DHX35: variants seen among roughly 807,000 people sequenced by gnomAD.
DHX35 encodes DEAH-box helicase 35, also known as probable ATP-dependent RNA helicase DHX35.
DHX35 carries 84 observed loss-of-function variants against 99.6 expected under a neutral mutation model. The ratio of observed to expected loss-of-function variants is 0.84; its 90% CI spans 0.71 to 1.01. The LOEUF (loss-of-function observed/expected upper bound fraction) is 1.01. DHX35 is among the 50% of genes least tolerant of loss of function. The pLI is 0.00. For missense variants in DHX35, 852 were observed against 888.5 expected, an observed-to-expected ratio of 0.96 and a Z score of 0.52; for synonymous variants, 331 against 316.2, an observed-to-expected ratio of 1.05 and a Z score of -0.50.
At chr20:39,037,102 T>A (rs535628926) in intron 21 of DHX35, among the ~76,000 whole-genome samples, 1 of 150,306 alleles carries the variant, frequency 6.7e-6, no homozygotes, top group African/African-American at 2.4e-5. Flanking sequence ...ATATTCAACA[T>A]TCTTCCCAGA....
chr20:39,023,612 C>A, intron 16 of DHX35, 78 bp from the exon 17 acceptor site: 1 of 1,411,380 alleles, frequency 7.1e-7, no homozygotes, highest in Non-Finnish European at 1.0e-6. Flanking sequence ...CTTAGCCTCA[C>A]CAAATGCTGG....
chr20:39,006,107 A>G (rs1270977740), intron 11 of DHX35, 39 bp from the exon 12 acceptor site: 1 of 1,594,334 alleles, frequency 6.3e-7, no homozygotes, highest in African/African-American at 1.3e-5. Flanking sequence ...AGCAAAAAGA[A>G]TAAAATGAGT....
intron 1 of DHX35, 155 bp downstream of exon 1, chr20:38,962,562 TC>T (rs2085848842): frequency 2.4e-6 from 2 of 850,570 alleles, no homozygotes; most frequent in East Asian, 2.7e-5. Context: ...TGGCTCAGGC[TC>T]CCCAGTGGTC....
intron 20 of DHX35, among the ~76,000 whole-genome samples, chr20:39,033,454 C>A (rs1184219859): frequency 6.6e-6 from 1 of 152,100 alleles, no homozygotes; most frequent in Non-Finnish European, 1.5e-5. Context: ...AAGAAAGTGC[C>A]CCCCAGTCAC....
At chr20:38,964,491 C>T (rs929190832) in intron 1 of DHX35, among the ~76,000 whole-genome samples, 2 of 151,532 alleles carry the variant, frequency 1.3e-5, no homozygotes, top group East Asian at 1.9e-4. Context: ...AGTGCAGTGG[C>T]GCAATCTCGG....
rs558177462 is a variant in DHX35 at position 38,995,157 on chromosome 20, A to C, written c.642+277A>C. Among the ~76,000 whole-genome samples, 8 of 152,248 alleles carry C rather than the reference A, an allele frequency of 5.3e-5. No individual in the cohort carries two copies. The South Asian group carries it at 6.2e-4, about 12-fold the overall frequency. ...CACAGCTTCTTTTTGTTGTTTTTTC[A>C]GTATAAGCCTGTATTTCTTGAATTT... On this transcript the variant is annotated intron_variant, in intron 8 of 21. Coordinates refer to ENST00000252011, the MANE Select transcript of DHX35 (RefSeq NM_021931.4).
chr20:38,966,125 C>A (rs2085906814), intron 1 of DHX35, among the ~76,000 whole-genome samples: 2 of 152,102 alleles, frequency 1.3e-5, no homozygotes, highest in Non-Finnish European at 1.5e-5. Flanking sequence ...TTTTAAAAAC[C>A]AAGTTAAAGG....
At chr20:38,986,911 C>A (rs1169256722) in intron 4 of DHX35, among the ~76,000 whole-genome samples, 2 of 152,218 alleles carry the variant, frequency 1.3e-5, no homozygotes, top group Non-Finnish European at 2.9e-5. Flanking sequence ...GTGTCTTAAA[C>A]ACTGATGGGC....
intron 3 of DHX35, among the ~76,000 whole-genome samples, chr20:38,972,896 A>G (rs1034617384): frequency 1.3e-5 from 2 of 152,252 alleles, no homozygotes; most frequent in Admixed American, 6.5e-5. Flanking sequence ...TCTGAAAGTT[A>G]CAATGGAGAT....
intron 3 of DHX35, chr20:38,978,082 T>C: frequency 1.3e-6 from 1 of 760,418 alleles, no homozygotes; most frequent in Non-Finnish European, 2.4e-6. Context: ...TACTAAGTGC[T>C]GTCCACTAAT....
intron 3 of DHX35, among the ~76,000 whole-genome samples, chr20:38,982,894 G>A (rs549995060): frequency 1.3e-5 from 2 of 151,746 alleles, no homozygotes; most frequent in African/African-American, 4.8e-5. Flanking sequence ...TATTAAATAA[G>A]TAGGTAACTC....
chr20:39,036,726 C>CCAAAAAAAAAAAA (rs1568767834), intron 21 of DHX35, among the ~76,000 whole-genome samples: 94 of 51,688 alleles, frequency 1.8e-3, no homozygotes, highest in African/African-American at 7.2e-3. Flanking sequence ...ACTGTCCCCC[C>CCAAAAAAAAAAAA]AAAAAAAAAA....
At chr20:39,006,449 A>T (rs1355189073) in intron 12 of DHX35, 93 bp downstream of exon 12, 2 of 1,376,110 alleles carry the variant, frequency 1.5e-6, no homozygotes, top group African/African-American at 2.9e-5. Context: ...GGTAGAACTT[A>T]ACATAAAATA....
intron 1 of DHX35, among the ~76,000 whole-genome samples, chr20:38,964,118 A>T (rs2085875518): frequency 6.6e-6 from 1 of 152,210 alleles, no homozygotes; most frequent in Non-Finnish European, 1.5e-5. Context: ...AGAGGGAGGG[A>T]AAGTTGAATG....
intron 2 of DHX35, 57 bp downstream of exon 2, chr20:38,969,271 T>G (rs966711532): frequency 2.5e-5 from 39 of 1,554,614 alleles, no homozygotes; most frequent in Non-Finnish European, 2.6e-6. Flanking sequence ...TGCATTAGCT[T>G]TATGCTCAGC....
chr20:39,021,756 G>A (rs1352372646), intron 15 of DHX35, 85 bp from the exon 16 acceptor site: 1 of 1,287,394 alleles, frequency 7.8e-7, no homozygotes, highest in African/African-American at 1.5e-5. Context: ...TCTTCAGTGT[G>A]GTGCAAGGAA....
chr20:39,030,912 C>G lies in DHX35; in HGVS notation c.1955+137C>G. The G allele has an allele frequency of 9.7e-6, 9 of 931,224 alleles. No individual in the cohort carries two copies. The South Asian group carries it at 1.4e-4, about 15-fold the overall frequency. 57.7% of individuals were successfully genotyped at this position (931,224 alleles called of 1,614,324 possible). A position where few individuals can be genotyped will look rare whatever the true frequency, so the allele number is the denominator to read the frequency against. On this transcript the variant is annotated intron_variant, in intron 20 of 21. Coordinates refer to ENST00000252011, the MANE Select transcript of DHX35 (RefSeq NM_021931.4). ...GCGTGGTGGCTCACGCCTGTAATCC[C>G]AGCACTTTGGGAGGCCAATGTAGGC...
At chr20:38,979,448 CA>C (rs2086137484) in intron 3 of DHX35, among the ~76,000 whole-genome samples, 1 of 152,050 alleles carries the variant, frequency 6.6e-6, no homozygotes, top group South Asian at 2.1e-4. Context: ...GTACAAAATT[CA>C]AAAAGAACAA....
intron 18 of DHX35, among the ~76,000 whole-genome samples, chr20:39,027,623 A>G (rs2086978706): frequency 6.6e-6 from 1 of 152,234 alleles, no homozygotes; most frequent in Non-Finnish European, 1.5e-5. Flanking sequence ...CCTTTATGGA[A>G]CTTACTTACC....
Sources: allele counts gnomAD v4.1 joint callset (sites outside exome capture counted in the v4.1 genomes callset), GRCh38; gene constraint gnomAD v4.1.1; transcripts MANE v1.5; gene names NCBI Gene and HGNC (gene_info 2026-07-23, HGNC 2026-07-21).